ATG5: variants seen among roughly 807,000 people sequenced by gnomAD.
ATG5 encodes autophagy protein 5.
In ATG5, 14 loss-of-function variants were observed where a neutral mutation model predicts 36.5. That is an observed-to-expected ratio of 0.38 (90% CI 0.25 to 0.60). The LOEUF is 0.60. Among genes scored for constraint, ATG5 ranks in the 20% least tolerant of loss-of-function variants. The pLI is 0.60. For synonymous variants in ATG5, 95 were observed against 101.5 expected (o/e 0.94, Z 0.38); for missense variants, 195 against 326.7 (o/e 0.60, Z 3.11).
intron 6 of ATG5, among the ~76,000 whole-genome samples, chr6:106,213,834 T>C (rs1776942432): frequency 1.3e-5 from 2 of 152,200 alleles, no homozygotes; most frequent in African/African-American, 4.8e-5. Context: ...ATGAGATATA[T>C]GAAATATCTA....
chr6:106,320,214 C>G (rs1771008296), intron 1 of ATG5, among the ~76,000 whole-genome samples: 1 of 152,200 alleles, frequency 6.6e-6, no homozygotes, highest in African/African-American at 2.4e-5. Context: ...CTCCCAACTC[C>G]AAAACATCCA....
intron 5 of ATG5, among the ~76,000 whole-genome samples, chr6:106,253,559 G>T (rs2787531): frequency 0.086 from 13,035 of 152,120 alleles, 594 homozygotes; most frequent in South Asian, 0.13. Context: ...TTGGCATCAA[G>T]AACAGTAATC....
At chr6:106,227,205 T>C (rs904805249) in intron 6 of ATG5, among the ~76,000 whole-genome samples, 2 of 152,180 alleles carry the variant, frequency 1.3e-5, no homozygotes, top group Non-Finnish European at 2.9e-5. Context: ...GGCAAGGGAC[T>C]TATGTACAAA....
At chr6:106,279,372 A>G (rs73774305) in intron 5 of ATG5, among the ~76,000 whole-genome samples, 3,796 of 152,326 alleles carry the variant, frequency 0.025, 63 homozygotes, top group African/African-American at 0.049. Flanking sequence ...TAAAGACCAC[A>G]TCCTTAGAGT....
At chr6:106,295,765 T>A (rs777067730) in intron 3 of ATG5, among the ~76,000 whole-genome samples, 1 of 152,008 alleles carries the variant, frequency 6.6e-6, no homozygotes, top group Non-Finnish European at 1.5e-5. Flanking sequence ...TGTCCAACTA[T>A]GTTGCCCAGG....
intron 5 of ATG5, among the ~76,000 whole-genome samples, chr6:106,269,454 A>G (rs908002753): frequency 6.6e-6 from 1 of 152,190 alleles, no homozygotes; most frequent in Non-Finnish European, 1.5e-5. Context: ...CGTGGAGCAG[A>G]GGGCGGCACT....
rs930548832 is a variant in ATG5, at chr6:106,202,037, T to C, written c.626A>G (p.Asp209Gly). Reference sequence around the variant, plus strand: ...ATCTCCTAGTGTGTGCAACTGTCCATCTGCAGCCACAGGACGAAACAGCTT... The same window carrying C: ...ATCTCCTAGTGTGTGCAACTGTCCACCTGCAGCCACAGGACGAAACAGCTT... ...IQKLFRPVAA[D>G]GQLHTLGDLL... is the part of the protein sequence containing the mutation. The change falls in exon 7 of 8, where the codon GAT becomes GGT. Residue 209 changes from aspartate to glycine, a missense_variant. Transcript: ENST00000369076. 1 of 1,614,024 alleles carries C rather than the reference T, an allele frequency of 6.2e-7. No individual in the cohort carries two copies. Among genetic ancestry groups the C allele is most frequent in the Non-Finnish European group, 8.5e-7 (1 of 1,179,924 alleles).
intron 2 of ATG5, among the ~76,000 whole-genome samples, chr6:106,310,195 T>C (rs1265587391): frequency 6.6e-6 from 1 of 152,164 alleles, no homozygotes; most frequent in Non-Finnish European, 1.5e-5. Flanking sequence ...AAATATTTGC[T>C]GAATGAGTCA....
chr6:106,223,437 T>A (rs1236112632), intron 6 of ATG5, among the ~76,000 whole-genome samples: 1 of 152,150 alleles, frequency 6.6e-6, no homozygotes, highest in African/African-American at 2.4e-5. Context: ...AGGAAGCAAT[T>A]TAAGCCTAAA....
At chr6:106,297,511 TCA>T (rs529943632) in intron 3 of ATG5, among the ~76,000 whole-genome samples, 52 of 152,178 alleles carry the variant, frequency 3.4e-4, no homozygotes, top group Non-Finnish European at 6.0e-4. Context: ...CTAGAACCTC[TCA>T]GAGGTATATT....
At chr6:106,300,610 C>A (rs1040368395) in intron 3 of ATG5, among the ~76,000 whole-genome samples, 1 of 152,054 alleles carries the variant, frequency 6.6e-6, no homozygotes, top group East Asian at 1.9e-4. Context: ...TAGCCTACTA[C>A]GTACCTAGGC....
At chr6:106,245,685 T>C (rs1186106159) in intron 6 of ATG5, among the ~76,000 whole-genome samples, 1 of 152,158 alleles carries the variant, frequency 6.6e-6, no homozygotes, top group Non-Finnish European at 1.5e-5. Context: ...AAAATAAATA[T>C]TTCAGTAAAA....
intron 6 of ATG5, among the ~76,000 whole-genome samples, chr6:106,246,398 A>T (rs201846002): frequency 0.21 from 25,695 of 121,136 alleles, 2,725 homozygotes; most frequent in African/African-American, 0.36. Flanking sequence ...TCTCTCACAC[A>T]CACACACACA....
At chr6:106,290,376 G>T (rs183718578) in intron 4 of ATG5, among the ~76,000 whole-genome samples, 1 of 151,374 alleles carries the variant, frequency 6.6e-6, no homozygotes, top group South Asian at 2.1e-4. Flanking sequence ...GATGAAGTGC[G>T]GTTGTCTGAT....
Position 106,230,896 on chromosome 6 carries a change from C to G in ATG5, c.573+17254G>C, listed in dbSNP as rs1766194. On this transcript the variant is annotated intron_variant, in intron 6 of 7. Transcript: ENST00000369076. The stretch of plus-strand genomic sequence containing the variant: ...AAGGCAAATGGTGTGAAGTGTCATA[C>G]GTACAAACTTTCTTTTCATTAAGAG... Among the ~76,000 whole-genome samples, 8 of 152,048 alleles carry G rather than the reference C, an allele frequency of 5.3e-5. No homozygotes were observed. In the East Asian group the frequency reaches 1.5e-3, roughly 29 times the overall value.
rs996369686 is a variant in ATG5 at position 106,296,006 on chromosome 6, A to G, written c.237-2900T>C. Among the ~76,000 whole-genome samples, 11 of 152,170 alleles carry G rather than the reference A, an allele frequency of 7.2e-5. 1 individual carries two copies. The highest frequency in any genetic ancestry group is 1.3e-4 in the Non-Finnish European group (9 of 68,010). On this transcript the variant is annotated intron_variant, in intron 3 of 7. Transcript: ENST00000369076. ...AAATGAGAAAATTATAAATACACAG[A>G]AGCTTGAACAAAGTACATAATAAAC...
chr6:106,276,432 C>G (rs1779654297), intron 5 of ATG5, among the ~76,000 whole-genome samples: 1 of 150,068 alleles, frequency 6.7e-6, no homozygotes. Context: ...CCACTGCACT[C>G]CAGCCTGGGC....
At chr6:106,276,697 C>G (rs1779670307) in intron 5 of ATG5, among the ~76,000 whole-genome samples, 1 of 152,122 alleles carries the variant, frequency 6.6e-6, no homozygotes, top group African/African-American at 2.4e-5. Flanking sequence ...TCTAAGAACA[C>G]CTACTTAACT....
intron 5 of ATG5, among the ~76,000 whole-genome samples, chr6:106,269,129 T>G (rs1779341139): frequency 6.6e-6 from 1 of 152,046 alleles, no homozygotes. Context: ...CCCACTAGAT[T>G]AGCTAGATAC....
Sources: gnomAD v4.1 joint callset for allele counts (sites outside exome capture counted in the v4.1 genomes callset) on GRCh38, gnomAD v4.1.1 for gene constraint, MANE v1.5 for transcripts, NCBI Gene and HGNC (gene_info 2026-07-23, HGNC 2026-07-21) for gene names.